PLAA: variants seen among roughly 807,000 people sequenced by gnomAD.
The protein encoded by PLAA is phospholipase A-2-activating protein.
In PLAA, 48 loss-of-function variants were observed where a neutral mutation model predicts 84.1. The observed-to-expected ratio is 0.57, with a 90% CI of 0.45 to 0.73. The LOEUF (loss-of-function observed/expected upper bound fraction) is 0.73, where lower values mean the gene tolerates loss of function less well. PLAA is among the 30% of genes least tolerant of loss of function. PLAA has a pLI of 0.00. For synonymous variants in PLAA, 392 were observed against 336.6 expected, an observed-to-expected ratio of 1.16 and a Z score of -1.80; for missense variants, 903 against 954.7, an observed-to-expected ratio of 0.95 and a Z score of 0.71.
At chr9:26,938,669 T>A (rs188943192) in intron 1 of PLAA, among the ~76,000 whole-genome samples, 1 of 151,918 alleles carries the variant, frequency 6.6e-6, no homozygotes, top group Non-Finnish European at 1.5e-5. Context: ...CTAGACAGAC[T>A]TGAAGCAATA....
intron 6 of PLAA, 100 bp downstream of exon 6, chr9:26,925,725 T>C: frequency 3.9e-6 from 4 of 1,017,328 alleles, no homozygotes; most frequent in Non-Finnish European, 3.0e-6. Context: ...TATAGTCTCC[T>C]CAAGTCACGT....
At chr9:26,912,274 A>G (rs762788201) in intron 11 of PLAA, among the ~76,000 whole-genome samples, 1 of 152,254 alleles carries the variant, frequency 6.6e-6, no homozygotes, top group Non-Finnish European at 1.5e-5. Flanking sequence ...AAAAGAAAAC[A>G]GTGAGTTCAA....
At chr9:26,939,529 A>C (rs1345713980) in intron 1 of PLAA, among the ~76,000 whole-genome samples, 1 of 151,562 alleles carries the variant, frequency 6.6e-6, no homozygotes, top group African/African-American at 2.4e-5. Flanking sequence ...AGGCATATAG[A>C]AAACAGACAG....
At chr9:26,918,907 A>G (rs1251418659) in intron 9 of PLAA, among the ~76,000 whole-genome samples, 2 of 151,752 alleles carry the variant, frequency 1.3e-5, no homozygotes, top group Non-Finnish European at 2.9e-5. Flanking sequence ...TGTAGAATAC[A>G]CATCACATAT....
chr9:26,936,170 C>A (rs767029818), intron 1 of PLAA, among the ~76,000 whole-genome samples: 1 of 151,934 alleles, frequency 6.6e-6, no homozygotes, highest in Non-Finnish European at 1.5e-5. Flanking sequence ...TTTTCACTTC[C>A]TTCCCAAATT....
intron 2 of PLAA, among the ~76,000 whole-genome samples, chr9:26,934,805 T>C (rs1825306281): frequency 6.6e-6 from 1 of 152,160 alleles, no homozygotes; most frequent in Admixed American, 6.6e-5. Flanking sequence ...ACTTTTTACA[T>C]ATATAAGCAT....
chr9:26,942,604 C>A (rs538324405), intron 1 of PLAA, among the ~76,000 whole-genome samples: 1 of 145,124 alleles, frequency 6.9e-6, no homozygotes, highest in Admixed American at 7.1e-5. Context: ...GCACGGAGGC[C>A]GGGCATGGTG....
chr9:26,936,101 G>C (rs912274059), intron 1 of PLAA, among the ~76,000 whole-genome samples: 25 of 152,200 alleles, frequency 1.6e-4, no homozygotes, highest in African/African-American at 5.5e-4. Flanking sequence ...TCTAGTTGAA[G>C]AAGATAAGTG....
At position 26,933,813 on chromosome 9, in the gene PLAA, A is replaced by AT. The variant is rs1554660620; in HGVS notation, c.343+1199dup. 2.4e-3 allele frequency among the ~76,000 whole-genome samples: 349 copies of AT among 146,138 alleles called. 3 individuals carry two copies. Among genetic ancestry groups the AT allele is most frequent in the Non-Finnish European group, 3.4e-3 (224 of 66,376 alleles). ...CAAAAAAAAAAAAAAAAAAAAAAAA[A>AT]TTTTTTGTTTTTAGAGACAGGGTCT... On this transcript the variant is annotated intron_variant, in intron 2 of 13. Coordinates refer to ENST00000397292, the MANE Select transcript of PLAA (RefSeq NM_001031689.3).
intron 9 of PLAA, chr9:26,919,096 G>A: frequency 2.4e-6 from 1 of 409,344 alleles, no homozygotes; most frequent in Non-Finnish European, 4.3e-6. Context: ...ATTATAGTAT[G>A]ATTGTATTTT....
chr9:26,920,010 G>A (rs1824706268), intron 8 of PLAA, among the ~76,000 whole-genome samples: 1 of 152,132 alleles, frequency 6.6e-6, no homozygotes, highest in Non-Finnish European at 1.5e-5. Context: ...CTACATGACA[G>A]ACAATTGCTA....
At chr9:26,932,997 C>T (rs1465966397) in intron 2 of PLAA, among the ~76,000 whole-genome samples, 4 of 152,026 alleles carry the variant, frequency 2.6e-5, no homozygotes, top group African/African-American at 7.2e-5. Context: ...GGGCCAGGCA[C>T]GGTGGCTCAG....
At chr9:26,924,940 A>C (rs1016873359) in intron 6 of PLAA, among the ~76,000 whole-genome samples, 2 of 152,230 alleles carry the variant, frequency 1.3e-5, no homozygotes, top group Non-Finnish European at 2.9e-5. Context: ...CCACCACTGC[A>C]GACCTCAGGA....
intron 6 of PLAA, among the ~76,000 whole-genome samples, chr9:26,925,222 T>G (rs914974307): frequency 2.6e-5 from 4 of 152,228 alleles, no homozygotes; most frequent in African/African-American, 9.6e-5. Flanking sequence ...CCAATCTACA[T>G]ATTTAGTAAT....
chr9:26,906,035 T>A lies in PLAA; in HGVS notation c.1864A>T (p.Lys622Ter). ...AAGTTCTCATTCACACTGGGGTGTT[T>A]AATTGACAACCGAAGAATGTCAAGT... The part of the protein sequence containing the change: ...PALDILRLSI[K>*]HPSVNENFCN... The change falls in exon 14 of 14, where the codon AAA becomes TAA. Residue 622 changes from lysine to a stop codon, truncating the protein, a stop_gained. Transcript: ENST00000397292. LOFTEE classifies it high-confidence loss of function. The A allele has an allele frequency of 6.3e-7, 1 of 1,591,464 alleles. No homozygotes were observed.
At chr9:26,943,934 A>G (rs1275639257) in intron 1 of PLAA, among the ~76,000 whole-genome samples, 5 of 152,202 alleles carry the variant, frequency 3.3e-5, no homozygotes, top group African/African-American at 9.7e-5. Context: ...AGCCTGGGCA[A>G]CAAAGCAAGA....
At chr9:26,941,756 C>A (rs1202449852) in intron 1 of PLAA, among the ~76,000 whole-genome samples, 38 of 122,422 alleles carry the variant, frequency 3.1e-4, no homozygotes, top group Admixed American at 2.4e-3. Context: ...AGATTACAGC[C>A]AAGAAAAAAA....
At chr9:26,937,870 G>GAA (rs34475218) in intron 1 of PLAA, among the ~76,000 whole-genome samples, 43 of 143,902 alleles carry the variant, frequency 3.0e-4, no homozygotes, top group Admixed American at 1.6e-3. Flanking sequence ...AAAAAAGACT[G>GAA]AAAAAAAAAA....
In PLAA at chr9:26,905,491, T is replaced by C; in HGVS notation, c.*20A>G. ...AAAAAACACTAATCAATTAAAAATATCCGTCCCTCTTCCCCACTGCTACAG... is the reference window on the plus strand; with the variant it reads ...AAAAAACACTAATCAATTAAAAATACCCGTCCCTCTTCCCCACTGCTACAG... On this transcript the variant is annotated 3_prime_UTR_variant, in exon 14 of 14. Transcript: ENST00000397292. 6.6e-7 allele frequency: 1 copy of C among 1,520,332 alleles called. No homozygotes were observed. Among genetic ancestry groups the C allele is most frequent in the African/African-American group, 1.4e-5 (1 of 72,146 alleles). The allele number at this position is 1,520,332 out of a possible 1,614,324, so 94.2% of individuals were successfully genotyped here.
Sources: allele counts gnomAD v4.1 joint callset (sites outside exome capture counted in the v4.1 genomes callset), GRCh38; gene constraint gnomAD v4.1.1; transcripts MANE v1.5; gene names NCBI Gene and HGNC (gene_info 2026-07-23, HGNC 2026-07-21).